The following KDM2B variants were observed in gnomAD, a reference collection of about 807,000 sequenced individuals.
KDM2B encodes the protein lysine demethylase 2B, also known as lysine-specific demethylase 2B.
In KDM2B, 26 loss-of-function variants were observed where a neutral mutation model predicts 150.0. The observed-to-expected ratio is 0.17, with a 90% CI of 0.13 to 0.24. The LOEUF (loss-of-function observed/expected upper bound fraction) is 0.24, where lower values mean the gene tolerates loss of function less well. Ranked by LOEUF, KDM2B falls within the 10% of genes least tolerant of loss-of-function variation. The pLI is 1.00. For synonymous variants in KDM2B, 734 were observed against 729.5 expected, an observed-to-expected ratio of 1.01 and a Z score of -0.10; for missense variants, 1,265 against 1,816.9, an observed-to-expected ratio of 0.70 and a Z score of 5.52.
rs1361393580 is a variant in KDM2B at position 121,520,336 on chromosome 12, T to G, written c.1047+649A>C. Among the ~76,000 whole-genome samples, 1 of 152,084 alleles carries G rather than the reference T, an allele frequency of 6.6e-6. No homozygotes were observed. The highest frequency in any genetic ancestry group is 2.4e-5 in the African/African-American group (1 of 41,408). ...TTGTGGAGCGAAGGACACACATCAG[T>G]TACCTAAGCCTCCGCCCATGTTCGT... On this transcript the variant is annotated intron_variant, in intron 9 of 22. Coordinates refer to ENST00000377071, the MANE Select transcript of KDM2B (RefSeq NM_032590.5). The surrounding 1 kb of genome is among the most constrained non-coding windows in gnomAD (Gnocchi z 4.5).
chr12:121,448,319 CAAAAA>C (rs57261158), intron 13 of KDM2B, among the ~76,000 whole-genome samples: 41 of 51,104 alleles, frequency 8.0e-4, no homozygotes, highest in African/African-American at 2.2e-3. Flanking sequence ...GACTCTGTCT[CAAAAA>C]AAAAAAAAAA....
intron 8 of KDM2B, among the ~76,000 whole-genome samples, chr12:121,525,484 T>A (rs1887051805): frequency 6.6e-6 from 1 of 152,134 alleles, no homozygotes; most frequent in Non-Finnish European, 1.5e-5. Context: ...CCTCAGGTGA[T>A]CCGCCCACCT....
chr12:121,439,907 G>C lies in KDM2B; in HGVS notation c.3779C>G (p.Thr1260Ser), dbSNP rs1555287764. The C allele has an allele frequency of 6.2e-7, 1 of 1,614,242 alleles. No homozygotes were observed. The highest frequency in any genetic ancestry group is 8.5e-7 in the Non-Finnish European group (1 of 1,180,040). ...HVTDQSINLL[T>S]AVGTTTRDSL... ...GTCTCGGGTGGTGGTGCCAACAGCA[G>C]TGAGCAGGTTGATAGACTGGTCGGT... Residue 1260 changes from threonine to serine, a missense_variant, in exon 22 of 23, where the codon ACT (threonine) becomes AGT (serine). This residue lies in a region of KDM2B where 251 missense variants were observed against 397.8 expected (regional missense o/e 0.63). Transcript: ENST00000377071.
Position 121,430,390 on chromosome 12 carries a change from G to A in KDM2B, c.3909C>T (p.Cys1303=). The change falls in exon 23 of 23, where the codon TGC becomes TGT. Residue 1303 remains cysteine, a synonymous_variant. Transcript: ENST00000377071. This position sits in a 1 kb window ranked among gnomAD's most constrained non-coding sequence, Gnocchi z 4.4. ...GNICHIDLRY[C]KQVTKEGCEQ... ...CACAGCCTTCCTTGGTGACTTGCTT[G>A]CAGTACCTCAGGTCAATATGACAGA... 1 of 1,614,132 alleles carries A rather than the reference G, an allele frequency of 6.2e-7. No individual in the cohort carries two copies. The highest frequency in any genetic ancestry group is 8.5e-7 in the Non-Finnish European group (1 of 1,180,018).
At position 121,471,580 on chromosome 12, in the gene KDM2B, C is replaced by T. The variant is rs554927260; in HGVS notation, c.1735-18236G>A. The stretch of plus-strand genomic sequence containing the variant: ...ATGACACTTGGAGTTAGTCACCAGC[C>T]TCTCCATGCCCACTTCTAGGAATGG... On this transcript the variant is annotated intron_variant, in intron 12 of 22. Coordinates refer to ENST00000377071, the MANE Select transcript of KDM2B (RefSeq NM_032590.5). Among the ~76,000 whole-genome samples, 580 of 152,236 alleles carry T rather than the reference C, an allele frequency of 3.8e-3. 6 individuals carry two copies. Among genetic ancestry groups the T allele is most frequent in the Non-Finnish European group, 5.6e-3 (383 of 68,020 alleles).
intron 8 of KDM2B, 127 bp downstream of exon 8, chr12:121,532,679 G>T: frequency 3.2e-6 from 3 of 931,554 alleles, no homozygotes; most frequent in African/African-American, 1.6e-5. Context: ...CCCACGGCTG[G>T]CTCCCCTCGG....
chr12:121,410,366 G>A, the KDM2B span, among the ~76,000 whole-genome samples: 3 of 152,028 alleles, frequency 2.0e-5, no homozygotes, highest in South Asian at 2.1e-4. Context: ...GTGAAACCCC[G>A]TCTCTACTAA....
rs75780756 is a variant in KDM2B at position 121,440,604 on chromosome 12, G to A, written c.3610+212C>T. 7.6e-3 allele frequency: 4,110 copies of A among 539,644 alleles called. 138 individuals carry two copies. The highest frequency in any genetic ancestry group is 0.069 in the African/African-American group (3,658 of 52,692). The allele number at this position is 539,644 out of a possible 1,614,324, so 33.4% of individuals were successfully genotyped here. A position where few individuals can be genotyped will look rare whatever the true frequency, so the allele number is the denominator to read the frequency against. ...CGAGTCAACAGGAAAGCAGAGAGAC[G>A]CACGCGGAGCCCCAGGAGCGAGTCT... On this transcript the variant is annotated intron_variant, in intron 21 of 22. Transcript: ENST00000377071.
chr12:121,486,614 C>A (rs1267314481), intron 12 of KDM2B, among the ~76,000 whole-genome samples: 4 of 152,008 alleles, frequency 2.6e-5, no homozygotes, highest in African/African-American at 9.7e-5. Flanking sequence ...CGGTGAAACC[C>A]TGTCTCTACT....
At chr12:121,485,193 C>T (rs1370603807) in intron 12 of KDM2B, among the ~76,000 whole-genome samples, 1 of 152,038 alleles carries the variant, frequency 6.6e-6, no homozygotes, top group African/African-American at 2.4e-5. Context: ...AAGCCCTAGT[C>T]GACTAATACA....
rs1388507025 is a variant in KDM2B at position 121,580,353 on chromosome 12, C to G, written c.126+433G>C. 8.6e-5 allele frequency: 70 copies of G among 816,016 alleles called. 1 individual carries two copies. The highest frequency in any genetic ancestry group is 9.5e-5 in the Non-Finnish European group (69 of 723,480). 50.5% of individuals were successfully genotyped at this position (816,016 alleles called of 1,614,324 possible). ...GGGCTATTTGGGGGGGCTCTCGGCC[C>G]GGGCTTGGGGGGGTGGGGGCGGCGG... On this transcript the variant is annotated intron_variant, in intron 1 of 22. Coordinates refer to ENST00000377071, the MANE Select transcript of KDM2B (RefSeq NM_032590.5).
intron 11 of KDM2B, among the ~76,000 whole-genome samples, chr12:121,498,908 G>A (rs1195315805): frequency 6.6e-6 from 1 of 152,016 alleles, no homozygotes; most frequent in Non-Finnish European, 1.5e-5. Context: ...GAACTCCTGG[G>A]CTCAAGCAAT....
In KDM2B at chr12:121,545,346, C is replaced by T. The variant is rs1888947821; in HGVS notation, c.683+3531G>A. ...CAATTCGACCCCAAGACAAATGGTC[C>T]TAGAAAACTGGCAGTGTGTGCACAG... On this transcript the variant is annotated intron_variant, in intron 6 of 22. Transcript: ENST00000377071. Among the ~76,000 whole-genome samples, 2 of 151,302 alleles carry T rather than the reference C, an allele frequency of 1.3e-5. 1 individual carries two copies. The highest frequency in any genetic ancestry group is 3.9e-4 in the East Asian group (2 of 5,154).
At chr12:121,419,046 A>G in the KDM2B span, among the ~76,000 whole-genome samples, 1 of 152,200 alleles carries the variant, frequency 6.6e-6, no homozygotes, top group Non-Finnish European at 1.5e-5. Context: ...GCAGAGGGAA[A>G]TTTGGTCTAA....
intron 8 of KDM2B, among the ~76,000 whole-genome samples, chr12:121,523,093 C>T (rs1216242698): frequency 1.3e-5 from 2 of 152,214 alleles, no homozygotes; most frequent in African/African-American, 4.8e-5. Flanking sequence ...GGAGAATCAA[C>T]CCCAATTCAC....
At chr12:121,488,770 C>T (rs1210482442) in intron 12 of KDM2B, among the ~76,000 whole-genome samples, 4 of 151,738 alleles carry the variant, frequency 2.6e-5, no homozygotes, top group Admixed American at 2.0e-4. Context: ...TACAGGTGCC[C>T]ACCACCAGGC....
At chr12:121,547,559 A>G (rs782198785) in intron 6 of KDM2B, among the ~76,000 whole-genome samples, 2 of 151,956 alleles carry the variant, frequency 1.3e-5, no homozygotes, top group Non-Finnish European at 2.9e-5. Context: ...GACAGATGCT[A>G]ATGGATTCAG....
Position 121,439,995 on chromosome 12 carries a change from G to A in KDM2B, c.3691C>T (p.Arg1231Trp), listed in dbSNP as rs373994063. 27 of 1,613,932 alleles carry A rather than the reference G, an allele frequency of 1.7e-5. No homozygotes were observed. The highest frequency in any genetic ancestry group is 1.1e-4 in the South Asian group (10 of 91,082). ...AGGGGCATGTGGCGGATGATGAGCC[G>A]CAGGGAGGCATCTGTGATGTCCAGG... ...AGLDITDASL[R>W]LIIRHMPLLS... The change falls in exon 22 of 23, where the codon CGG (arginine) becomes TGG (tryptophan). Residue 1231 changes from arginine (R) to tryptophan (W), a missense_variant. By Grantham distance (101) the Arg-to-Trp change is moderately radical. Coordinates refer to ENST00000377071, the MANE Select transcript of KDM2B (RefSeq NM_032590.5).
intron 4 of KDM2B, among the ~76,000 whole-genome samples, chr12:121,553,068 T>C (rs1889630289): frequency 6.6e-6 from 1 of 151,478 alleles, no homozygotes; most frequent in Non-Finnish European, 1.5e-5. Context: ...CCGAGAATAC[T>C]AAAAATACAA....
Sources: allele counts gnomAD v4.1 joint callset (sites outside exome capture counted in the v4.1 genomes callset), GRCh38; gene constraint gnomAD v4.1.1; regional missense constraint gnomAD v4.1.1; non-coding constraint Gnocchi (gnomAD v3.1); transcripts MANE v1.5; gene names NCBI Gene and HGNC (gene_info 2026-07-23, HGNC 2026-07-21).